The following GRIK1 variants were observed in gnomAD, a reference collection of about 807,000 sequenced individuals.
GRIK1 encodes glutamate receptor ionotropic, kainate 1.
In GRIK1, 69 loss-of-function variants were observed where a neutral mutation model predicts 105.7. That is an observed-to-expected ratio of 0.65 (90% CI 0.54 to 0.80). GRIK1 has a LOEUF of 0.80. Among genes scored for constraint, GRIK1 ranks in the 30% least tolerant of loss-of-function variants. The pLI is 0.00. For synonymous variants in GRIK1, 438 were observed against 431.3 expected (o/e 1.02, Z -0.19); for missense variants, 1,109 against 1,167.3 (o/e 0.95, Z 0.73).
intron 7 of GRIK1, among the ~76,000 whole-genome samples, chr21:29,611,094 G>C (rs2061720406): frequency 2.0e-5 from 3 of 150,828 alleles, no homozygotes; most frequent in East Asian, 2.0e-4. Context: ...TAAAACAAAA[G>C]AACAACGACT....
intron 1 of GRIK1, among the ~76,000 whole-genome samples, chr21:29,895,557 C>G (rs2070110065): frequency 6.6e-6 from 1 of 152,180 alleles, no homozygotes; most frequent in African/African-American, 2.4e-5. Flanking sequence ...CCATCCATGT[C>G]TCTCGAAAAG....
At chr21:29,650,681 G>A (rs182565682) in intron 6 of GRIK1, among the ~76,000 whole-genome samples, 85 of 152,300 alleles carry the variant, frequency 5.6e-4, no homozygotes, top group African/African-American at 1.8e-3. Flanking sequence ...TGAATACACC[G>A]ACTGTTTGTA....
chr21:29,590,216 C>T (rs530618922), intron 10 of GRIK1, among the ~76,000 whole-genome samples: 4 of 152,166 alleles, frequency 2.6e-5, no homozygotes, highest in Non-Finnish European at 4.4e-5. Context: ...ATAAGACAGT[C>T]ATAGAGAAAG....
chr21:29,831,364 G>A (rs1343079102), intron 1 of GRIK1, among the ~76,000 whole-genome samples: 3 of 152,072 alleles, frequency 2.0e-5, no homozygotes, highest in African/African-American at 7.2e-5. Flanking sequence ...TTTTGCATAC[G>A]CTATGCCTTC....
chr21:29,583,608 G>T (rs895709930), intron 12 of GRIK1, among the ~76,000 whole-genome samples: 5 of 152,170 alleles, frequency 3.3e-5, no homozygotes, highest in African/African-American at 1.2e-4. Context: ...ACTTATAAGA[G>T]AGCAATTAAT....
chr21:29,661,771 A>G (rs1449863876), intron 4 of GRIK1, among the ~76,000 whole-genome samples: 3 of 152,322 alleles, frequency 2.0e-5, no homozygotes, highest in Admixed American at 6.5e-5. Context: ...TGATTGGTAC[A>G]TTACTCCAGC....
chr21:29,897,429 A>G (rs1032173045), intron 1 of GRIK1, among the ~76,000 whole-genome samples: 4 of 152,222 alleles, frequency 2.6e-5, no homozygotes, highest in Non-Finnish European at 5.9e-5. Context: ...GGAGAAAATG[A>G]AGAAATTGGT....
chr21:29,809,440 C>T (rs2066950302), intron 1 of GRIK1, among the ~76,000 whole-genome samples: 1 of 152,166 alleles, frequency 6.6e-6, no homozygotes, highest in Admixed American at 6.5e-5. Flanking sequence ...TAACTGTCAC[C>T]TGAGCCTTCA....
chr21:29,800,320 T>C (rs544011530), intron 1 of GRIK1, among the ~76,000 whole-genome samples: 1 of 152,304 alleles, frequency 6.6e-6, no homozygotes, highest in Admixed American at 6.5e-5. Context: ...ATTTTACAAA[T>C]CGAAAGGAAA....
intron 1 of GRIK1, among the ~76,000 whole-genome samples, chr21:29,847,350 C>T (rs147478194): frequency 6.6e-6 from 1 of 152,224 alleles, no homozygotes; most frequent in African/African-American, 2.4e-5. Context: ...AATCCCAGCA[C>T]TTTGGGAGGC....
intron 7 of GRIK1, among the ~76,000 whole-genome samples, chr21:29,627,756 T>C (rs2062165275): frequency 6.6e-6 from 1 of 152,222 alleles, no homozygotes; most frequent in African/African-American, 2.4e-5. Context: ...CCTTTAAACA[T>C]GAATTAATAA....
intron 1 of GRIK1, among the ~76,000 whole-genome samples, chr21:29,798,133 C>T (rs1272746381): frequency 6.6e-6 from 1 of 152,120 alleles, no homozygotes; most frequent in Non-Finnish European, 1.5e-5. Context: ...TATTAAAGAT[C>T]CTTTCTATCT....
chr21:29,816,417 A>G (rs1185738882), intron 1 of GRIK1, among the ~76,000 whole-genome samples: 1 of 152,240 alleles, frequency 6.6e-6, no homozygotes, highest in South Asian at 2.1e-4. Flanking sequence ...AAATAAAAAT[A>G]CCACACAATC....
At chr21:29,787,677 A>G (rs1041293105) in intron 1 of GRIK1, among the ~76,000 whole-genome samples, 9 of 152,196 alleles carry the variant, frequency 5.9e-5, no homozygotes, top group Admixed American at 2.0e-4. Context: ...GTATTTAGAG[A>G]TATCCTTGAC....
At chr21:29,933,511 C>T (rs1313180907) in intron 1 of GRIK1, among the ~76,000 whole-genome samples, 1 of 152,144 alleles carries the variant, frequency 6.6e-6, no homozygotes, top group Non-Finnish European at 1.5e-5. Flanking sequence ...AAAGCCTTTA[C>T]TATACAAACG....
In GRIK1 at chr21:29,642,815, G is replaced by C. The variant is rs1168171315; in HGVS notation, c.1098+11C>G. The C allele has an allele frequency of 6.2e-7, 1 of 1,613,348 alleles. No homozygotes were observed. The highest frequency in any genetic ancestry group is 1.3e-5 in the African/African-American group (1 of 74,924). Reference sequence around the variant, plus strand: ...AGAAGGGCCCCTGGGCTGTGAGGGAGCATCACTTGCCTCTTTGATCAGGTT... The same window carrying C: ...AGAAGGGCCCCTGGGCTGTGAGGGACCATCACTTGCCTCTTTGATCAGGTT... On this transcript the variant is annotated intron_variant, in intron 7 of 17. Transcript: ENST00000327783.
chr21:29,785,184 G>C (rs1035419247), intron 1 of GRIK1, among the ~76,000 whole-genome samples: 3 of 152,046 alleles, frequency 2.0e-5, no homozygotes, highest in African/African-American at 4.8e-5. Context: ...TATAAAAATC[G>C]TTTTATAAAT....
chr21:29,654,074 G>T (rs1009217906), intron 5 of GRIK1, among the ~76,000 whole-genome samples: 27 of 152,304 alleles, frequency 1.8e-4, no homozygotes, highest in African/African-American at 6.5e-4. Flanking sequence ...TACTCTTACA[G>T]ATTAGAAAAC....
chr21:29,935,934 T>C (rs1420363899), intron 1 of GRIK1, among the ~76,000 whole-genome samples: 2 of 152,178 alleles, frequency 1.3e-5, no homozygotes. Flanking sequence ...ATAAAAAAAG[T>C]AGTAAAAACA....
Sources: gnomAD v4.1 joint callset for allele counts (sites outside exome capture counted in the v4.1 genomes callset) on GRCh38, gnomAD v4.1.1 for gene constraint, MANE v1.5 for transcripts, NCBI Gene and HGNC (gene_info 2026-07-23, HGNC 2026-07-21) for gene names.